PLCE1: variants seen among roughly 807,000 people sequenced by gnomAD.
PLCE1 encodes the protein phospholipase C epsilon 1.
PLCE1 carries 119 observed loss-of-function variants against 242.8 expected under a neutral mutation model. The ratio of observed to expected loss-of-function variants is 0.49; its 90% CI spans 0.42 to 0.57. The LOEUF (loss-of-function observed/expected upper bound fraction) is 0.57. PLCE1 is among the 20% of genes least tolerant of loss of function. The probability of loss-of-function intolerance (pLI) is 0.00; values close to 1 mark genes in which losing one functional copy is unlikely to be tolerated. For missense variants in PLCE1, 2,441 were observed against 2,788.8 expected, an observed-to-expected ratio of 0.88 and a Z score of 2.81; for synonymous variants, 945 against 1,017.4, an observed-to-expected ratio of 0.93 and a Z score of 1.35.
chr10:94,092,684 G>T (rs1167702978), intron 2 of PLCE1, among the ~76,000 whole-genome samples: 5 of 148,952 alleles, frequency 3.4e-5, no homozygotes, highest in Non-Finnish European at 5.9e-5. Flanking sequence ...CAATAAGGAA[G>T]AGACATCTTT....
chr10:94,100,983 G>A (rs1269350933), intron 2 of PLCE1, among the ~76,000 whole-genome samples: 1 of 152,178 alleles, frequency 6.6e-6, no homozygotes, highest in Non-Finnish European at 1.5e-5. Flanking sequence ...AGCATTTACA[G>A]AAGCCTAGAA....
chr10:94,240,693 C>A (rs2050476190), intron 7 of PLCE1, among the ~76,000 whole-genome samples: 1 of 152,130 alleles, frequency 6.6e-6, no homozygotes, highest in South Asian at 2.1e-4. Flanking sequence ...CTGTTGATCA[C>A]CCAATGTAAA....
intron 4 of PLCE1, among the ~76,000 whole-genome samples, chr10:94,191,121 A>G (rs2048649834): frequency 6.6e-6 from 1 of 152,196 alleles, no homozygotes; most frequent in Non-Finnish European, 1.5e-5. Flanking sequence ...CAATGGGGAA[A>G]AATTTTAAAG....
At chr10:94,201,192 AC>A (rs2048975436) in intron 4 of PLCE1, among the ~76,000 whole-genome samples, 1 of 152,214 alleles carries the variant, frequency 6.6e-6, no homozygotes, top group African/African-American at 2.4e-5. Context: ...AATTCTCTGT[AC>A]TATTCTTGCT....
intron 4 of PLCE1, among the ~76,000 whole-genome samples, chr10:94,175,573 A>G (rs564905735): frequency 1.4e-4 from 22 of 152,120 alleles, no homozygotes; most frequent in Non-Finnish European, 2.9e-4. Context: ...AAACAATCCA[A>G]TTACACTCCT....
At chr10:94,135,122 T>C (rs1258007521) in intron 3 of PLCE1, among the ~76,000 whole-genome samples, 1 of 152,212 alleles carries the variant, frequency 6.6e-6, no homozygotes, top group East Asian at 1.9e-4. Flanking sequence ...GAAAACCAGA[T>C]GGGTTTCTCA....
At chr10:94,065,939 G>A (rs546641817) in intron 2 of PLCE1, among the ~76,000 whole-genome samples, 1 of 152,166 alleles carries the variant, frequency 6.6e-6, no homozygotes. Flanking sequence ...TGTGTTAATA[G>A]CCTTTCCCCC....
rs375539976 is a variant in PLCE1 at position 94,324,943 on chromosome 10, A to C, written c.6772A>C (p.Lys2258Gln). ...CATTTCTTTCGCAAGTGAACTCAAG[A>C]AGCTCACCAAGTCAACTAAACAGCC... ...KGISFASELK[K>Q]LTKSTKQPRG... The change falls in exon 32 of 33, where the codon AAG (lysine) becomes CAG (glutamine). Residue 2258 changes from lysine to glutamine, a missense_variant. This residue lies in a region of PLCE1 where 310 missense variants were observed against 317.2 expected (regional missense o/e 0.98). Coordinates refer to ENST00000371380, the MANE Select transcript of PLCE1 (RefSeq NM_016341.4). 2 of 1,614,174 alleles carry C rather than the reference A, an allele frequency of 1.2e-6. No homozygotes were observed. The highest frequency in any genetic ancestry group is 1.1e-5 in the South Asian group (1 of 91,080).
intron 4 of PLCE1, among the ~76,000 whole-genome samples, chr10:94,190,862 A>T (rs2048638908): frequency 6.6e-6 from 1 of 152,222 alleles, no homozygotes; most frequent in Non-Finnish European, 1.5e-5. Flanking sequence ...GGTGATGCAG[A>T]TACAGTTTTG....
intron 2 of PLCE1, among the ~76,000 whole-genome samples, chr10:94,127,052 T>A (rs1297683020): frequency 6.6e-6 from 1 of 152,230 alleles, no homozygotes; most frequent in Non-Finnish European, 1.5e-5. Context: ...TCTACTTCTC[T>A]AGGCTTACTT....
At chr10:94,218,693 T>C (rs1195779584) in intron 4 of PLCE1, among the ~76,000 whole-genome samples, 1 of 151,944 alleles carries the variant, frequency 6.6e-6, no homozygotes, top group Non-Finnish European at 1.5e-5. Context: ...CCAGGCAAAT[T>C]CACAGGCATG....
At chr10:94,294,489 C>T (rs562726642) in intron 23 of PLCE1, among the ~76,000 whole-genome samples, 2 of 152,220 alleles carry the variant, frequency 1.3e-5, no homozygotes, top group African/African-American at 4.8e-5. Context: ...GGAGATATTG[C>T]AGGTTCGGTT....
At chr10:94,023,898 T>C (rs1274333434) in intron 1 of PLCE1, among the ~76,000 whole-genome samples, 2 of 152,102 alleles carry the variant, frequency 1.3e-5, no homozygotes, top group Non-Finnish European at 2.9e-5. Flanking sequence ...TAAATCTTTG[T>C]GGTCTTGGAA....
At chr10:94,279,641 A>G (rs2052118448) in intron 19 of PLCE1, 141 bp from the exon 20 acceptor site, 4 of 862,286 alleles carry the variant, frequency 4.6e-6, no homozygotes, top group Non-Finnish European at 5.7e-6. Context: ...GGGAATCTAG[A>G]TTTTTTTCTC....
At chr10:94,095,100 C>T (rs2045254729) in intron 2 of PLCE1, among the ~76,000 whole-genome samples, 1 of 152,116 alleles carries the variant, frequency 6.6e-6, no homozygotes, top group South Asian at 2.1e-4. Flanking sequence ...CTCCCTTTTC[C>T]CTCTATTTTC....
At position 94,031,929 on chromosome 10, in the gene PLCE1, A is replaced by G. The variant is rs749260720; in HGVS notation, c.883A>G (p.Thr295Ala). 132 of 1,613,808 alleles carry G rather than the reference A, an allele frequency of 8.2e-5. No individual in the cohort carries two copies. Among genetic ancestry groups the G allele is most frequent in the Non-Finnish European group, 1.1e-4 (130 of 1,179,866 alleles). ...CTTTACTGACAGTCAAGCTGCCAAG[A>G]CCTTTTTGAGCCATTTTGAGGACTT... ...KDFTDSQAAK[T>A]FLSHFEDFPD... The change falls in exon 2 of 33, where the codon ACC (threonine) becomes GCC (alanine). Residue 295 changes from threonine to alanine, a missense_variant. Thr to Ala is a moderately conservative substitution (Grantham distance 58). This residue lies in a region of PLCE1 where 393 missense variants were observed against 378.5 expected (regional missense o/e 1.04). Coordinates refer to ENST00000371380, the MANE Select transcript of PLCE1 (RefSeq NM_016341.4).
At chr10:94,291,672 G>T (rs182709258) in intron 22 of PLCE1, among the ~76,000 whole-genome samples, 26 of 152,260 alleles carry the variant, frequency 1.7e-4, no homozygotes, top group African/African-American at 6.0e-4. Flanking sequence ...CGGGAGCATG[G>T]TGGGTGGATC....
At chr10:94,229,213 G>C (rs993878926) in intron 5 of PLCE1, among the ~76,000 whole-genome samples, 4 of 144,948 alleles carry the variant, frequency 2.8e-5, no homozygotes, top group Non-Finnish European at 6.1e-5. Context: ...AAAAAAAACA[G>C]AAAAAAGAAA....
At chr10:94,273,079 T>C (rs1287894423) in intron 18 of PLCE1, among the ~76,000 whole-genome samples, 1 of 152,158 alleles carries the variant, frequency 6.6e-6, no homozygotes, top group Non-Finnish European at 1.5e-5. Context: ...CAGACACACA[T>C]TCTGCTTTGG....
Sources: gnomAD v4.1 joint callset for allele counts (sites outside exome capture counted in the v4.1 genomes callset) on GRCh38, gnomAD v4.1.1 for gene constraint, gnomAD v4.1.1 regional missense constraint, MANE v1.5 for transcripts, NCBI Gene and HGNC (gene_info 2026-07-23, HGNC 2026-07-21) for gene names.